Variants in AAMDC observed in about 807,000 individuals in gnomAD.
AAMDC encodes adipogenesis associated Mth938 domain containing.
AAMDC carries 16 observed loss-of-function variants against 15.5 expected under a neutral mutation model. The observed-to-expected ratio is 1.03, with a 90% CI of 0.70 to 1.57. The LOEUF (loss-of-function observed/expected upper bound fraction) is 1.57. AAMDC is among the 40% of genes most tolerant of loss of function. The pLI, the probability that AAMDC is intolerant of heterozygous loss-of-function variation, is 0.00. For missense variants in AAMDC, 141 were observed against 144.9 expected, an observed-to-expected ratio of 0.97 and a Z score of 0.14; for synonymous variants, 51 against 51.6, an observed-to-expected ratio of 0.99 and a Z score of 0.05.
In AAMDC at chr11:77,843,630, T is replaced by TA. The variant is rs1184343539; in HGVS notation, c.132+1010dup. Reference sequence around the variant, plus strand: ...ATATCTCAATGAGTTCTGGCTTCTATAAAAAAAATTGTCATAGACTGAGTG... The same window carrying TA: ...ATATCTCAATGAGTTCTGGCTTCTATAAAAAAAAATTGTCATAGACTGAGTG... On this transcript the variant is annotated intron_variant, in intron 2 of 3. Coordinates refer to ENST00000393427, the MANE Select transcript of AAMDC (RefSeq NM_024684.4). Among the ~76,000 whole-genome samples the TA allele has an allele frequency of 5.3e-5, 8 of 152,158 alleles. No individual in the cohort carries two copies. The East Asian group carries it at 1.2e-3, about 22-fold the overall frequency.
In AAMDC at chr11:77,862,009, A is replaced by T. The variant is rs557293978; in HGVS notation, c.133-7713A>T. Among the ~76,000 whole-genome samples, 3 of 152,324 alleles carry T rather than the reference A, an allele frequency of 2.0e-5. No homozygotes were observed. In the East Asian group the frequency reaches 5.8e-4, roughly 29 times the overall value. On this transcript the variant is annotated intron_variant, in intron 2 of 3. Transcript: ENST00000393427. ...TCTCAATGCCTCCCTTAGTCTCTCCAGAAAGGCGGTAGGATTTTCTTCCTT... is the reference window on the plus strand; with the variant it reads ...TCTCAATGCCTCCCTTAGTCTCTCCTGAAAGGCGGTAGGATTTTCTTCCTT...
chr11:77,826,147 G>T (rs934168968), intron 1 of AAMDC, among the ~76,000 whole-genome samples: 2 of 152,076 alleles, frequency 1.3e-5, no homozygotes, highest in Non-Finnish European at 2.9e-5. Context: ...CTGAGAGGCC[G>T]AGGTGGGAGT....
chr11:77,823,859 T>A (rs551256673), intron 1 of AAMDC, among the ~76,000 whole-genome samples: 2 of 152,224 alleles, frequency 1.3e-5, no homozygotes, highest in East Asian at 3.9e-4. Context: ...TATCTTTGCT[T>A]CTAGCTTTTG....
chr11:77,826,520 C>T (rs186127348), intron 1 of AAMDC, among the ~76,000 whole-genome samples: 13 of 152,242 alleles, frequency 8.5e-5, no homozygotes, highest in African/African-American at 2.9e-4. Flanking sequence ...CTTGTATGAA[C>T]CAGAAAGGCT....
Sources: allele counts gnomAD v4.1 joint callset (sites outside exome capture counted in the v4.1 genomes callset), GRCh38; gene constraint gnomAD v4.1.1; transcripts MANE v1.5; gene names NCBI Gene and HGNC (gene_info 2026-07-23, HGNC 2026-07-21).